CCDC178: variants seen among roughly 807,000 people sequenced by gnomAD.
The protein encoded by CCDC178 is coiled-coil domain-containing protein 178.
In CCDC178, 126 loss-of-function variants were observed where a neutral mutation model predicts 117.4. The ratio of observed to expected loss-of-function variants is 1.07; its 90% confidence interval spans 0.93 to 1.24. The LOEUF is 1.24. Among genes scored for constraint, CCDC178 ranks in the 50% most tolerant of loss-of-function variants. The probability of loss-of-function intolerance (pLI) is 0.00; values close to 1 mark genes in which losing one functional copy is unlikely to be tolerated. For missense variants in CCDC178, 1,030 were observed against 986.9 expected (o/e 1.04, Z -0.59); for synonymous variants, 283 against 313.4 (o/e 0.90, Z 1.02).
chr18:32,957,266 T>A (rs976365468), intron 22 of CCDC178, among the ~76,000 whole-genome samples: 7 of 152,204 alleles, frequency 4.6e-5, no homozygotes, highest in African/African-American at 1.4e-4. Flanking sequence ...AGAAATCATA[T>A]GTTTAAAAGC....
At chr18:33,365,125 G>A (rs1161581561) in intron 6 of CCDC178, among the ~76,000 whole-genome samples, 1 of 151,958 alleles carries the variant, frequency 6.6e-6, no homozygotes, top group African/African-American at 2.4e-5. Flanking sequence ...CCACAGAATA[G>A]GAAACCAGAT....
At chr18:33,074,944 G>A (rs1459413850) in intron 21 of CCDC178, among the ~76,000 whole-genome samples, 1 of 152,142 alleles carries the variant, frequency 6.6e-6, no homozygotes, top group African/African-American at 2.4e-5. Flanking sequence ...ATATAATGAT[G>A]AAAATAATTC....
intron 14 of CCDC178, among the ~76,000 whole-genome samples, chr18:33,255,841 T>A (rs1238002464): frequency 6.6e-6 from 1 of 151,922 alleles, no homozygotes; most frequent in Non-Finnish European, 1.5e-5. Flanking sequence ...TGCTCTAGGA[T>A]TCCTGAAAAG....
At chr18:33,131,452 A>T (rs548116626) in intron 20 of CCDC178, among the ~76,000 whole-genome samples, 1 of 151,918 alleles carries the variant, frequency 6.6e-6, no homozygotes, top group South Asian at 2.1e-4. Context: ...AAAAGTGACA[A>T]TTTCAAAATT....
chr18:33,011,302 C>T (rs899255179), intron 21 of CCDC178, among the ~76,000 whole-genome samples: 8 of 152,068 alleles, frequency 5.3e-5, no homozygotes, highest in African/African-American at 1.7e-4. Flanking sequence ...CATGAGAAGT[C>T]TTTTTCTTAA....
intron 20 of CCDC178, among the ~76,000 whole-genome samples, chr18:33,182,359 G>C (rs1339773187): frequency 6.6e-6 from 1 of 151,832 alleles, no homozygotes; most frequent in East Asian, 1.9e-4. Flanking sequence ...AAATTCAGAT[G>C]ATTGTAATTT....
At chr18:33,034,292 C>A (rs2056401732) in intron 21 of CCDC178, among the ~76,000 whole-genome samples, 1 of 151,966 alleles carries the variant, frequency 6.6e-6, no homozygotes, top group African/African-American at 2.4e-5. Flanking sequence ...CCTTTCCTGT[C>A]TTTTTCCCTC....
At chr18:33,259,512 G>A (rs962770676) in intron 14 of CCDC178, among the ~76,000 whole-genome samples, 1 of 152,138 alleles carries the variant, frequency 6.6e-6, no homozygotes, top group African/African-American at 2.4e-5. Context: ...GGGGAGGCAA[G>A]CACATATTAG....
intron 20 of CCDC178, among the ~76,000 whole-genome samples, chr18:33,126,778 C>A (rs2058009673): frequency 6.6e-6 from 1 of 151,922 alleles, no homozygotes; most frequent in Admixed American, 6.6e-5. Flanking sequence ...CCTGCCTCAG[C>A]CTCCCGAGTA....
chr18:33,331,025 G>GTTTTTTTTTTTTT (rs1315738648), intron 10 of CCDC178, among the ~76,000 whole-genome samples: 2 of 55,166 alleles, frequency 3.6e-5, no homozygotes, highest in Non-Finnish European at 2.9e-5. Flanking sequence ...CACAAACATT[G>GTTTTTTTTTTTTT]CTTTTTTTTT....
At chr18:33,436,778 G>T (rs2064297876) in intron 2 of CCDC178, among the ~76,000 whole-genome samples, 1 of 152,186 alleles carries the variant, frequency 6.6e-6, no homozygotes, top group Admixed American at 6.5e-5. Flanking sequence ...AACATAGCTA[G>T]AATATGTCTA....
chr18:33,334,273 T>G (rs2062710972), intron 9 of CCDC178, among the ~76,000 whole-genome samples: 1 of 152,036 alleles, frequency 6.6e-6, no homozygotes, highest in African/African-American at 2.4e-5. Flanking sequence ...AAACCTAACA[T>G]GAACTGGGTA....
At position 33,228,777 on chromosome 18, in the gene CCDC178, A is replaced by G. The variant is rs1404642997; in HGVS notation, c.1594-1922T>C. Among the ~76,000 whole-genome samples the G allele has an allele frequency of 2.0e-5, 3 of 152,162 alleles. No individual in the cohort carries two copies. The East Asian group carries it at 5.8e-4, about 29-fold the overall frequency. On this transcript the variant is annotated intron_variant, in intron 15 of 22. Coordinates refer to ENST00000383096, the MANE Select transcript of CCDC178 (RefSeq NM_001105528.4). Reference sequence around the variant, plus strand: ...CAATTGCATACTTACACAAGACCCAACACCACAGGGAGTGTTTCCAGGCAG... The same window carrying G: ...CAATTGCATACTTACACAAGACCCAGCACCACAGGGAGTGTTTCCAGGCAG...
intron 20 of CCDC178, among the ~76,000 whole-genome samples, chr18:33,183,684 C>T (rs764994374): frequency 5.9e-5 from 9 of 152,094 alleles, no homozygotes; most frequent in Admixed American, 2.6e-4. Context: ...CTGACACTGG[C>T]GCTATTGGGT....
chr18:33,182,030 T>G (rs1240562211), intron 20 of CCDC178, among the ~76,000 whole-genome samples: 1 of 151,876 alleles, frequency 6.6e-6, no homozygotes, highest in Non-Finnish European at 1.5e-5. Context: ...AAATTTTTAC[T>G]TTGTATCATT....
intron 21 of CCDC178, among the ~76,000 whole-genome samples, chr18:33,088,005 T>C (rs886183144): frequency 1.3e-5 from 2 of 152,100 alleles, no homozygotes; most frequent in Admixed American, 1.3e-4. Flanking sequence ...TGTTGTCCAA[T>C]GAGACCTAGG....
intron 20 of CCDC178, among the ~76,000 whole-genome samples, chr18:33,098,834 GA>G (rs1291669183): frequency 6.6e-6 from 1 of 151,962 alleles, no homozygotes; most frequent in Non-Finnish European, 1.5e-5. Flanking sequence ...TTAAAAAAAG[GA>G]TAAGATATAA....
chr18:33,224,702 T>A (rs1216390657), intron 17 of CCDC178, 73 bp downstream of exon 17: 1 of 985,464 alleles, frequency 1.0e-6, no homozygotes, highest in South Asian at 2.6e-5. Flanking sequence ...CAAATGATAA[T>A]GTAAAATCAC....
At chr18:33,226,552 T>C (rs1412936805) in intron 16 of CCDC178, among the ~76,000 whole-genome samples, 1 of 152,196 alleles carries the variant, frequency 6.6e-6, no homozygotes, top group Non-Finnish European at 1.5e-5. Flanking sequence ...GCTCTTTTAC[T>C]AGACTGGCAG....
Sources: gnomAD v4.1 joint callset for allele counts (sites outside exome capture counted in the v4.1 genomes callset) on GRCh38, gnomAD v4.1.1 for gene constraint, MANE v1.5 for transcripts, NCBI Gene and HGNC (gene_info 2026-07-23, HGNC 2026-07-21) for gene names.